Variants in ADAM23 observed in about 807,000 individuals in gnomAD.
The protein encoded by ADAM23 is disintegrin and metalloproteinase domain-containing protein 23.
A neutral mutation model predicts 120.1 loss-of-function variants in ADAM23; 33 were observed. That is an observed-to-expected ratio of 0.27 (90% CI 0.21 to 0.37). ADAM23 has a LOEUF of 0.37. ADAM23 is among the 10% of genes least tolerant of loss of function. The probability of loss-of-function intolerance (pLI) is 1.00; values close to 1 mark genes in which losing one functional copy is unlikely to be tolerated. For missense variants in ADAM23, 862 were observed against 1,058.2 expected (o/e 0.81, Z 2.57); for synonymous variants, 367 against 375.2 (o/e 0.98, Z 0.25).
intron 18 of ADAM23, among the ~76,000 whole-genome samples, chr2:206,580,469 G>A (rs771781090): frequency 1.3e-5 from 2 of 152,272 alleles, no homozygotes; most frequent in Admixed American, 6.5e-5. Flanking sequence ...CACCTATTGA[G>A]ATGATCATGT....
At chr2:206,516,365 A>G (rs1213533731) in intron 3 of ADAM23, among the ~76,000 whole-genome samples, 1 of 152,092 alleles carries the variant, frequency 6.6e-6, no homozygotes, top group African/African-American at 2.4e-5. Flanking sequence ...TTTGTTTAGG[A>G]TTGAGGAGAG....
In ADAM23 at chr2:206,471,360, G is replaced by C. The variant is rs183895003; in HGVS notation, c.433-9872G>C. Among the ~76,000 whole-genome samples the C allele has an allele frequency of 1.6e-4, 24 of 152,212 alleles. No homozygotes were observed. In the Middle Eastern group the frequency reaches 0.01, roughly 65 times the overall value. On this transcript the variant is annotated intron_variant, in intron 2 of 25. Coordinates refer to ENST00000264377, the MANE Select transcript of ADAM23 (RefSeq NM_003812.4). ...GACTCAAGTTAAAGAACCTTCTATTGCCTTGGATTGATATTTGCATTGACA... is the reference window on the plus strand; with the variant it reads ...GACTCAAGTTAAAGAACCTTCTATTCCCTTGGATTGATATTTGCATTGACA...
chr2:206,453,338 A>T (rs17270067), intron 2 of ADAM23, among the ~76,000 whole-genome samples: 19,195 of 152,298 alleles, frequency 0.13, 1,582 homozygotes, highest in Admixed American at 0.23. Context: ...GCTTCAGAAC[A>T]TCATGTCATC....
At chr2:206,567,152 G>C in intron 14 of ADAM23, 71 bp from the exon 15 acceptor site, 1 of 1,153,712 alleles carries the variant, frequency 8.7e-7, no homozygotes, top group Non-Finnish European at 1.3e-6. Flanking sequence ...TCTAATTTAG[G>C]GGTTTTAATT....
rs1026805805 is a variant in ADAM23 at position 206,618,825 on chromosome 2, T to C, written c.*1198T>C. 4 of 152,332 alleles carry C rather than the reference T, an allele frequency of 2.6e-5. No individual in the cohort carries two copies. The highest frequency in any genetic ancestry group is 4.4e-5 in the Non-Finnish European group (3 of 68,036). 9.4% of individuals were successfully genotyped at this position (152,332 alleles called of 1,614,324 possible). ...TGTCATTATAAACCTATGTAAATAA[T>C]GTAAGAAAGTAGACACCCTTTCAGA... On this transcript the variant is annotated 3_prime_UTR_variant, in exon 26 of 26. Coordinates refer to ENST00000264377, the MANE Select transcript of ADAM23 (RefSeq NM_003812.4).
At chr2:206,562,471 G>T (rs904583314) in intron 13 of ADAM23, among the ~76,000 whole-genome samples, 178 bp downstream of exon 13, 2 of 152,256 alleles carry the variant, frequency 1.3e-5, no homozygotes, top group Non-Finnish European at 2.9e-5. Flanking sequence ...TGTTTAGGTT[G>T]TAAAAATTTC....
intron 2 of ADAM23, among the ~76,000 whole-genome samples, chr2:206,469,287 C>G (rs1695605984): frequency 6.6e-6 from 1 of 152,144 alleles, no homozygotes; most frequent in Non-Finnish European, 1.5e-5. Context: ...GCAATTTTCC[C>G]CATCTTAATA....
chr2:206,509,220 A>G (rs1400645796), intron 3 of ADAM23, among the ~76,000 whole-genome samples: 1 of 152,220 alleles, frequency 6.6e-6, no homozygotes, highest in African/African-American at 2.4e-5. Flanking sequence ...GTCGATACAA[A>G]AAGAATACAA....
chr2:206,527,708 G>A (rs1348524675), intron 3 of ADAM23, among the ~76,000 whole-genome samples: 8 of 152,188 alleles, frequency 5.3e-5, no homozygotes, highest in African/African-American at 1.7e-4. Flanking sequence ...TATGCATTAG[G>A]CATTATGCCA....
At chr2:206,588,253 G>C in intron 20 of ADAM23, 99 bp downstream of exon 20, 1 of 1,262,966 alleles carries the variant, frequency 7.9e-7, no homozygotes, top group Non-Finnish European at 1.1e-6. Flanking sequence ...AGCTTGGAGT[G>C]ATGTTTTAAA....
chr2:206,608,069 G>A (rs1698762567), intron 24 of ADAM23: 2 of 391,676 alleles, frequency 5.1e-6, no homozygotes, highest in Non-Finnish European at 1.0e-5. Context: ...TTGAATTGTG[G>A]GGAGGAAATA....
rs745464569 is a variant in ADAM23 at position 206,561,184 on chromosome 2, C to T, written c.1226C>T (p.Ser409Phe). The T allele has an allele frequency of 6.2e-7, 1 of 1,613,850 alleles. No individual in the cohort carries two copies. Among genetic ancestry groups the T allele is most frequent in the African/African-American group, 1.3e-5 (1 of 74,896 alleles). The change falls in exon 12 of 26, where the codon TCT (serine) becomes TTT (phenylalanine). Residue 409 changes from serine to phenylalanine, a missense_variant. By Grantham distance (155) the Ser-to-Phe change is radical. Transcript: ENST00000264377. ...SSLSYFGGVCSRTRGVGVNEY... is the reference protein window; with the variant it reads ...SSLSYFGGVCFRTRGVGVNEY... ...CTGAGTTACTTTGGAGGTGTCTGTT[C>T]TCGCACAAGAGGAGTTGGTGTGAAT...
intron 2 of ADAM23, among the ~76,000 whole-genome samples, chr2:206,465,042 TTTTC>T (rs1476970854): frequency 6.6e-6 from 1 of 151,992 alleles, no homozygotes; most frequent in Non-Finnish European, 1.5e-5. Flanking sequence ...TACTACAACA[TTTTC>T]TTTCTTTGTT....
At chr2:206,613,014 A>G (rs1175711469) in intron 25 of ADAM23, among the ~76,000 whole-genome samples, 1 of 152,148 alleles carries the variant, frequency 6.6e-6, no homozygotes, top group Admixed American at 6.5e-5. Context: ...TTTAAAAAAT[A>G]TTGTCACATA....
intron 3 of ADAM23, among the ~76,000 whole-genome samples, chr2:206,495,697 C>T (rs1696230159): frequency 6.6e-6 from 1 of 152,160 alleles, no homozygotes. Flanking sequence ...TTAAAAGGCA[C>T]AGACTGGCAA....
Position 206,573,101 on chromosome 2 carries a change from A to G in ADAM23, c.1657-14A>G, listed in dbSNP as rs1698037831. The stretch of plus-strand genomic sequence containing the variant: ...ATGTAATGCTAACTCTTAATATTGA[A>G]TTTTGATTTGCAGTTTCAGCCACGA... On this transcript the variant is annotated splice_polypyrimidine_tract_variant and intron_variant, in intron 17 of 25. Transcript: ENST00000264377. The G allele has an allele frequency of 6.2e-7, 1 of 1,613,526 alleles. No individual in the cohort carries two copies. Among genetic ancestry groups the G allele is most frequent in the Non-Finnish European group, 8.5e-7 (1 of 1,179,466 alleles).
intron 13 of ADAM23, among the ~76,000 whole-genome samples, chr2:206,562,529 A>G (rs1697787927): frequency 6.6e-6 from 1 of 152,208 alleles, no homozygotes; most frequent in South Asian, 2.1e-4. Flanking sequence ...GGAATGAGTC[A>G]GCTCTTTCTC....
At chr2:206,545,913 T>G (rs2105810114) in intron 6 of ADAM23, among the ~76,000 whole-genome samples, 1 of 152,352 alleles carries the variant, frequency 6.6e-6, no homozygotes, top group African/African-American at 2.4e-5. Context: ...AATAACTATT[T>G]AAGCCTTAGA....
At chr2:206,477,657 C>T (rs1182618693) in intron 2 of ADAM23, among the ~76,000 whole-genome samples, 1 of 151,872 alleles carries the variant, frequency 6.6e-6, no homozygotes, top group South Asian at 2.1e-4. Context: ...TATTACTGAA[C>T]ACATTTCTAA....
Sources: allele counts gnomAD v4.1 joint callset (sites outside exome capture counted in the v4.1 genomes callset), GRCh38; gene constraint gnomAD v4.1.1; transcripts MANE v1.5; gene names NCBI Gene and HGNC (gene_info 2026-07-23, HGNC 2026-07-21).